Variants in UBR3 observed in about 807,000 individuals in gnomAD.
UBR3 encodes the protein ubiquitin protein ligase E3 component n-recognin 3.
Under a neutral mutation model 243.2 loss-of-function variants are expected in UBR3, and 85 were observed. The observed-to-expected ratio is 0.35, with a 90% CI of 0.29 to 0.42. The LOEUF (loss-of-function observed/expected upper bound fraction) is 0.42, where lower values mean the gene tolerates loss of function less well. Ranked by LOEUF, UBR3 falls within the 10% of genes least tolerant of loss-of-function variation. UBR3 has a pLI of 1.00. For missense variants in UBR3, 1,686 were observed against 2,300.8 expected, an observed-to-expected ratio of 0.73 and a Z score of 5.47; for synonymous variants, 748 against 799.8, an observed-to-expected ratio of 0.94 and a Z score of 1.09.
At chr2:170,012,613 G>A (rs1264798506) in intron 29 of UBR3, among the ~76,000 whole-genome samples, 1 of 151,648 alleles carries the variant, frequency 6.6e-6, no homozygotes, top group African/African-American at 2.4e-5. Flanking sequence ...GCTTCCTGGA[G>A]AAGTTAAAAG....
intron 24 of UBR3, among the ~76,000 whole-genome samples, chr2:169,960,875 G>T (rs984876731): frequency 6.6e-6 from 1 of 152,012 alleles, no homozygotes; most frequent in Non-Finnish European, 1.5e-5. Flanking sequence ...CTACATAATG[G>T]TTCTACATCG....
intron 35 of UBR3, among the ~76,000 whole-genome samples, chr2:170,072,567 CATA>C (rs1028539182): frequency 2.0e-5 from 3 of 151,760 alleles, no homozygotes; most frequent in Admixed American, 6.6e-5. Flanking sequence ...AAACTTAAAG[CATA>C]ATAATAATAA....
chr2:170,016,437 T>C (rs2090237870), intron 30 of UBR3, among the ~76,000 whole-genome samples: 1 of 151,916 alleles, frequency 6.6e-6, no homozygotes, highest in Non-Finnish European at 1.5e-5. Flanking sequence ...TATGCATTCA[T>C]CTAAACCCTA....
chr2:170,008,835 C>A lies in UBR3; in HGVS notation c.4262C>A (p.Ser1421Tyr). The change falls in exon 29 of 39, where the codon TCT (serine) becomes TAT (tyrosine). Residue 1421 changes from serine to tyrosine, a missense_variant. Coordinates refer to ENST00000272793, the MANE Select transcript of UBR3 (RefSeq NM_172070.4). The part of the protein sequence containing the change: ...SETNLSKEME[S>Y]VMKDIKNTTQ... The stretch of plus-strand genomic sequence containing the variant: ...ACAAATTTAAGTAAAGAAATGGAAT[C>A]TGTAATGAAAGATATAAAAAATACC... 2.1e-6 allele frequency: 3 copies of A among 1,446,954 alleles called. No individual in the cohort carries two copies. The highest frequency in any genetic ancestry group is 1.9e-6 in the Non-Finnish European group (2 of 1,046,134). The allele number at this position is 1,446,954 out of a possible 1,614,324, so 89.6% of individuals were successfully genotyped here. A position where few individuals can be genotyped will look rare whatever the true frequency, so the allele number is the denominator to read the frequency against.
chr2:170,064,662 A>G (rs2091518194), intron 35 of UBR3, among the ~76,000 whole-genome samples: 2 of 151,900 alleles, frequency 1.3e-5, no homozygotes, highest in Non-Finnish European at 2.9e-5. Flanking sequence ...CAAGTTTTCA[A>G]ATTTCTGGAT....
At chr2:169,993,718 C>T (rs1411076940) in intron 25 of UBR3, among the ~76,000 whole-genome samples, 1 of 152,144 alleles carries the variant, frequency 6.6e-6, no homozygotes, top group South Asian at 2.1e-4. Context: ...TAGGATGATA[C>T]GTTAAGACTC....
At chr2:169,911,046 G>C (rs1361388335) in intron 10 of UBR3, among the ~76,000 whole-genome samples, 1 of 152,106 alleles carries the variant, frequency 6.6e-6, no homozygotes, top group Non-Finnish European at 1.5e-5. Context: ...AACTTCACTT[G>C]ATAAATTACT....
In UBR3 at chr2:170,012,884, G is replaced by T. The variant is rs374193531; in HGVS notation, c.4368-2397G>T. On this transcript the variant is annotated intron_variant, in intron 29 of 38. Transcript: ENST00000272793. ...GAAGTTAGTGTTGAATGGGGGGATT[G>T]AGAGGACAGCATACTTTGGTCATGC... is the stretch of plus-strand genomic sequence containing the variant. Among the ~76,000 whole-genome samples the T allele has an allele frequency of 1.6e-4, 25 of 152,220 alleles. 1 individual carries two copies. The highest frequency in any genetic ancestry group is 1.4e-3 in the East Asian group (7 of 5,182).
chr2:169,925,573 G>A, intron 13 of UBR3, 46 bp from the exon 14 acceptor site: 1 of 1,483,394 alleles, frequency 6.7e-7, no homozygotes, highest in East Asian at 2.5e-5. Context: ...ATTTTGTAAA[G>A]ATTGCATTTA....
At chr2:170,036,983 A>G (rs2090848592) in intron 31 of UBR3, among the ~76,000 whole-genome samples, 1 of 152,140 alleles carries the variant, frequency 6.6e-6, no homozygotes, top group African/African-American at 2.4e-5. Flanking sequence ...GATTTGCAAT[A>G]TCTACCTATA....
At chr2:170,055,617 G>A (rs1301634987) in intron 33 of UBR3, 33 bp downstream of exon 33, 15 of 1,608,738 alleles carry the variant, frequency 9.3e-6, no homozygotes, top group Non-Finnish European at 1.3e-5. Context: ...CATTTAGCAG[G>A]TAGGTGAAGT....
At chr2:170,022,358 C>T (rs890969724) in intron 30 of UBR3, among the ~76,000 whole-genome samples, 3 of 152,126 alleles carry the variant, frequency 2.0e-5, no homozygotes, top group Non-Finnish European at 4.4e-5. Flanking sequence ...TGAAAGTACT[C>T]AAGACAGCCT....
At chr2:170,039,310 A>G (rs2090907458) in intron 31 of UBR3, among the ~76,000 whole-genome samples, 1 of 152,152 alleles carries the variant, frequency 6.6e-6, no homozygotes, top group Non-Finnish European at 1.5e-5. Flanking sequence ...AAATTTTGTA[A>G]TTAGGAGATC....
rs900379655 is a variant in UBR3 at position 169,994,916 on chromosome 2, G to C, written c.3918+460G>C. On this transcript the variant is annotated intron_variant, in intron 26 of 38. Coordinates refer to ENST00000272793, the MANE Select transcript of UBR3 (RefSeq NM_172070.4). ...TTAATTAGCATGTCTAAATTGTCCT[G>C]GTATGAGTCAGTATGGGTGTGGATG... 5.9e-5 allele frequency among the ~76,000 whole-genome samples: 9 copies of C among 152,192 alleles called. No individual in the cohort carries two copies. The South Asian group carries it at 1.7e-3, about 28-fold the overall frequency.
chr2:169,841,029 T>A (rs568413107), intron 1 of UBR3, among the ~76,000 whole-genome samples: 3 of 152,274 alleles, frequency 2.0e-5, no homozygotes, highest in African/African-American at 7.2e-5. Flanking sequence ...GGTATGGCTG[T>A]CTCAAAGATC....
chr2:169,828,953 T>G (rs2081838091), intron 1 of UBR3, among the ~76,000 whole-genome samples: 2 of 152,074 alleles, frequency 1.3e-5, no homozygotes, highest in South Asian at 4.2e-4. Context: ...ACATGTAGGG[T>G]CGTGGCTTGG....
intron 24 of UBR3, among the ~76,000 whole-genome samples, chr2:169,960,387 A>T (rs1197160800): frequency 6.6e-6 from 1 of 151,580 alleles, no homozygotes; most frequent in East Asian, 1.9e-4. Context: ...AATCTGAAAA[A>T]AACTGAAATC....
At chr2:169,941,773 GAAGAT>G (rs1042948589) in intron 19 of UBR3, among the ~76,000 whole-genome samples, 1 of 152,212 alleles carries the variant, frequency 6.6e-6, no homozygotes, top group Non-Finnish European at 1.5e-5. Context: ...CGTGTTCCCT[GAAGAT>G]AAGAGGGGAC....
At chr2:169,955,745 G>A (rs1283843253) in intron 23 of UBR3, among the ~76,000 whole-genome samples, 2 of 132,706 alleles carry the variant, frequency 1.5e-5, no homozygotes, top group Non-Finnish European at 3.1e-5. Context: ...AGTGACCTTA[G>A]ATCGTGCCAC....
Sources: gnomAD v4.1 joint callset for allele counts (sites outside exome capture counted in the v4.1 genomes callset) on GRCh38, gnomAD v4.1.1 for gene constraint, MANE v1.5 for transcripts, NCBI Gene and HGNC (gene_info 2026-07-23, HGNC 2026-07-21) for gene names.